The following C1orf159 variants were observed in gnomAD, a reference collection of about 807,000 sequenced individuals.
C1orf159 encodes the protein chromosome 1 open reading frame 159.
In C1orf159, 19 loss-of-function variants were observed where a neutral mutation model predicts 25.6. The observed-to-expected ratio is 0.74, with a 90% CI of 0.52 to 1.09. C1orf159 has a LOEUF of 1.09. Among genes scored for constraint, C1orf159 ranks in the 50% least tolerant of loss-of-function variants. The probability of loss-of-function intolerance (pLI) is 0.00; values close to 1 mark genes in which losing one functional copy is unlikely to be tolerated. For synonymous variants in C1orf159, 139 were observed against 124.7 expected, an observed-to-expected ratio of 1.12 and a Z score of -0.77; for missense variants, 274 against 290.6, an observed-to-expected ratio of 0.94 and a Z score of 0.42.
chr1:1,109,359 G>A (rs997763651), intron 1 of C1orf159, among the ~76,000 whole-genome samples: 2 of 152,212 alleles, frequency 1.3e-5, no homozygotes, highest in Non-Finnish European at 2.9e-5. Flanking sequence ...AACGGTGGTT[G>A]CCAGGGGCTG....
intron 3 of C1orf159, chr1:1,091,125 G>A (rs769623811): frequency 2.5e-4 from 170 of 675,898 alleles, no homozygotes; most frequent in Admixed American, 4.8e-4. Context: ...CACCCGCTCC[G>A]CCTGGGAGTC....
chr1:1,090,812 CAG>C, intron 3 of C1orf159: 2 of 1,375,962 alleles, frequency 1.5e-6, no homozygotes, highest in Non-Finnish European at 2.0e-6. Flanking sequence ...GCTGGCATTT[CAG>C]GGGACGAATT....
chr1:1,094,651 T>C (rs1331248552), intron 1 of C1orf159, among the ~76,000 whole-genome samples: 1 of 152,200 alleles, frequency 6.6e-6, no homozygotes, highest in Non-Finnish European at 1.5e-5. Flanking sequence ...CCGCCTGCCT[T>C]GGCCTCCCAA....
At chr1:1,083,927 T>C in intron 9 of C1orf159, 2 of 1,588,658 alleles carry the variant, frequency 1.3e-6, no homozygotes, top group Non-Finnish European at 1.7e-6. Flanking sequence ...GGCTGACTCT[T>C]GGGTCCGCCT....
chr1:1,107,399 C>T (rs1019922338), intron 1 of C1orf159, among the ~76,000 whole-genome samples: 1 of 152,166 alleles, frequency 6.6e-6, no homozygotes, highest in Non-Finnish European at 1.5e-5. Context: ...ATTGTAAATA[C>T]ACCAATCAGC....
intron 1 of C1orf159, among the ~76,000 whole-genome samples, chr1:1,100,328 G>C (rs891119257): frequency 4.0e-5 from 6 of 151,778 alleles, no homozygotes; most frequent in Non-Finnish European, 8.8e-5. Context: ...ATCGTTTTCT[G>C]ATTGTCCCTT....
chr1:1,108,877 G>A (rs1421896464), intron 1 of C1orf159, among the ~76,000 whole-genome samples: 1 of 89,834 alleles, frequency 1.1e-5, no homozygotes, highest in Non-Finnish European at 1.9e-5. Flanking sequence ...CCATGTCTCA[G>A]CAGCACCGTC....
chr1:1,090,456 A>G, intron 3 of C1orf159, 28 bp from the exon 4 acceptor site: 1 of 1,549,206 alleles, frequency 6.5e-7, no homozygotes, highest in Non-Finnish European at 8.7e-7. Flanking sequence ...GTGAAACTCC[A>G]GGACGCGCCT....
chr1:1,083,782 C>A, intron 9 of C1orf159: 1 of 818,802 alleles, frequency 1.2e-6, no homozygotes, highest in Non-Finnish European at 1.9e-6. Context: ...GGCACGGTCA[C>A]CTGCCCCCAT....
Position 1,087,081 on chromosome 1 carries a change from C to G in C1orf159, c.310+58G>C, listed in dbSNP as rs192567249. On this transcript the variant is annotated intron_variant, in intron 6 of 9. Coordinates refer to ENST00000421241, the MANE Select transcript of C1orf159 (RefSeq NM_017891.5). This position sits in a 1 kb window ranked among gnomAD's most constrained non-coding sequence, Gnocchi z 8.3. ...CAAGGGTGAGGGTCTGCACTGGCTC[C>G]GACGGCCCCCAGCCCCCAGGACACC... The G allele has an allele frequency of 1.6e-4, 245 of 1,532,890 alleles. 1 individual carries two copies. The African/African-American group carries it at 2.8e-3, about 18-fold the overall frequency. 95.0% of individuals were successfully genotyped at this position (1,532,890 alleles called of 1,614,324 possible). A position where few individuals can be genotyped will look rare whatever the true frequency, so the allele number is the denominator to read the frequency against.
chr1:1,087,084 C>T lies in C1orf159; in HGVS notation c.310+55G>A, dbSNP rs553578003. ...GGGTGAGGGTCTGCACTGGCTCCGA[C>T]GGCCCCCAGCCCCCAGGACACCGGC... On this transcript the variant is annotated intron_variant, in intron 6 of 9. Transcript: ENST00000421241. The surrounding 1 kb of genome is among the most constrained non-coding windows in gnomAD (Gnocchi z 8.3). The T allele has an allele frequency of 2.5e-5, 38 of 1,541,552 alleles. No individual in the cohort carries two copies. Among genetic ancestry groups the T allele is most frequent in the Admixed American group, 6.9e-5 (4 of 57,696 alleles).
intron 1 of C1orf159, among the ~76,000 whole-genome samples, chr1:1,109,540 C>T (rs1456227709): frequency 6.6e-6 from 1 of 152,114 alleles, no homozygotes; most frequent in Non-Finnish European, 1.5e-5. Flanking sequence ...AATCATAGCT[C>T]ACCGCCATCT....
chr1:1,109,406 G>A (rs1289763253), intron 1 of C1orf159, among the ~76,000 whole-genome samples: 1 of 152,148 alleles, frequency 6.6e-6, no homozygotes, highest in Non-Finnish European at 1.5e-5. Flanking sequence ...TGTTTAATGG[G>A]AACAGTTTCC....
At chr1:1,084,618 G>T in intron 7 of C1orf159, 112 bp from the exon 8 acceptor site, 1 of 1,397,722 alleles carries the variant, frequency 7.2e-7, no homozygotes, top group Non-Finnish European at 9.7e-7. Context: ...TCAGCCCAGT[G>T]CGGCGTCCTC....
chr1:1,090,470 A>G, intron 3 of C1orf159, 42 bp from the exon 4 acceptor site: 3 of 1,540,002 alleles, frequency 1.9e-6, no homozygotes, highest in South Asian at 2.4e-5. Context: ...CGCGCCTGCC[A>G]GGCAGGCTCA....
chr1:1,115,029 TAA>T (rs944449637), intron 1 of C1orf159: 1 of 151,690 alleles, frequency 6.6e-6, no homozygotes, highest in Admixed American at 6.6e-5. Context: ...TACGGAAAAA[TAA>T]AAGAGGAAGA....
In C1orf159 at chr1:1,082,640, C is replaced by G. The variant is rs954380773; in HGVS notation, c.*253G>C. 1 of 531,112 alleles carries G rather than the reference C, an allele frequency of 1.9e-6. No individual in the cohort carries two copies. The highest frequency in any genetic ancestry group is 1.9e-5 in the African/African-American group (1 of 51,448). The allele number at this position is 531,112 out of a possible 1,614,324, so 32.9% of individuals were successfully genotyped here. On this transcript the variant is annotated 3_prime_UTR_variant, in exon 10 of 10. Transcript: ENST00000421241. The stretch of plus-strand genomic sequence containing the variant: ...GGGGGGCCCGGACCCCCCAAGGCCT[C>G]GATCTGAAGCTCTGAGGTCTCATGG...
At chr1:1,099,656 T>A (rs1341758071) in intron 1 of C1orf159, among the ~76,000 whole-genome samples, 7 of 120,092 alleles carry the variant, frequency 5.8e-5, no homozygotes, top group Middle Eastern at 4.0e-3. Flanking sequence ...TCTCTGACTA[T>A]GATTGTGGAT....
chr1:1,097,807 G>A (rs1646030485), intron 1 of C1orf159, among the ~76,000 whole-genome samples: 2 of 151,952 alleles, frequency 1.3e-5, no homozygotes, highest in Non-Finnish European at 2.9e-5. Flanking sequence ...ATCAGCTTTT[G>A]ATATTGTTAA....
Sources: allele counts gnomAD v4.1 joint callset (sites outside exome capture counted in the v4.1 genomes callset), GRCh38; gene constraint gnomAD v4.1.1; non-coding constraint Gnocchi (gnomAD v3.1); transcripts MANE v1.5; gene names NCBI Gene and HGNC (gene_info 2026-07-23, HGNC 2026-07-21).